PRDM5: variants seen among roughly 807,000 people sequenced by gnomAD.
PRDM5 encodes the protein PR/SET domain 5.
PRDM5 carries 56 observed loss-of-function variants against 81.2 expected under a neutral mutation model. The observed-to-expected ratio is 0.69, with a 90% CI of 0.56 to 0.86. The LOEUF is 0.86. Among genes scored for constraint, PRDM5 ranks in the 40% least tolerant of loss-of-function variants. The pLI is 0.00. For synonymous variants in PRDM5, 267 were observed against 256.4 expected (o/e 1.04, Z -0.39); for missense variants, 697 against 770.1 (o/e 0.91, Z 1.12).
chr4:120,848,120 T>C (rs1295283099), intron 3 of PRDM5, among the ~76,000 whole-genome samples: 2 of 152,162 alleles, frequency 1.3e-5, no homozygotes, highest in East Asian at 3.8e-4. Flanking sequence ...CAAGAATAGA[T>C]GTTGCCTAGG....
At chr4:120,885,134 C>CAGAAAAAAAAA (rs1763277087) in intron 2 of PRDM5, among the ~76,000 whole-genome samples, 1 of 50,708 alleles carries the variant, frequency 2.0e-5, no homozygotes, top group African/African-American at 6.8e-5. Context: ...GACTCCGTAT[C>CAGAAAAAAAAA]AAAAAAAAAA....
chr4:120,704,804 T>C (rs1735876645), intron 15 of PRDM5, among the ~76,000 whole-genome samples: 1 of 152,130 alleles, frequency 6.6e-6, no homozygotes, highest in Admixed American at 6.5e-5. Flanking sequence ...CATCGCGGTT[T>C]ATCATGTCCT....
At chr4:120,762,471 G>C (rs929119642) in intron 13 of PRDM5, 1 of 152,024 alleles carries the variant, frequency 6.6e-6, no homozygotes, top group Non-Finnish European at 1.5e-5. Context: ...TGAATATCAG[G>C]GGACTGGCTT....
chr4:120,890,592 A>G (rs1451749316), intron 2 of PRDM5, among the ~76,000 whole-genome samples: 2 of 152,228 alleles, frequency 1.3e-5, no homozygotes, highest in Non-Finnish European at 2.9e-5. Context: ...CCAGCAGTGT[A>G]TAAGAATTCC....
chr4:120,687,482 A>G (rs537893512), downstream of PRDM5, among the ~76,000 whole-genome samples: 1 of 152,210 alleles, frequency 6.6e-6, no homozygotes, highest in East Asian at 1.9e-4. Flanking sequence ...AATGCTAAAT[A>G]TTATTCCATT....
intron 12 of PRDM5, among the ~76,000 whole-genome samples, chr4:120,779,275 A>G (rs1300203713): frequency 6.6e-6 from 1 of 152,176 alleles, no homozygotes; most frequent in Non-Finnish European, 1.5e-5. Flanking sequence ...TACCTTAAAT[A>G]TGAACAAGAA....
chr4:120,712,143 G>T (rs1737088162), intron 14 of PRDM5, among the ~76,000 whole-genome samples: 2 of 151,892 alleles, frequency 1.3e-5, no homozygotes, highest in Non-Finnish European at 2.9e-5. Context: ...AAAGTTAGCT[G>T]GGCATGGTGG....
chr4:120,890,168 C>G (rs1579131691), intron 2 of PRDM5, among the ~76,000 whole-genome samples: 1 of 152,286 alleles, frequency 6.6e-6, no homozygotes, highest in Middle Eastern at 3.4e-3. Context: ...CTGGCATCTG[C>G]TTAGCTTCTG....
intron 1 of PRDM5, among the ~76,000 whole-genome samples, chr4:120,918,536 TTTTC>T (rs145712595): frequency 1.3e-5 from 2 of 152,324 alleles, no homozygotes; most frequent in East Asian, 1.9e-4. Flanking sequence ...GTTTCAGCTT[TTTTC>T]TTTCTTTGAT....
intron 15 of PRDM5, among the ~76,000 whole-genome samples, chr4:120,700,685 A>G (rs533344973): frequency 1.3e-5 from 2 of 152,322 alleles, no homozygotes; most frequent in African/African-American, 4.8e-5. Flanking sequence ...TTTATATATT[A>G]TTGCAAGAGA....
chr4:120,805,304 C>G (rs997340827), intron 8 of PRDM5, among the ~76,000 whole-genome samples: 2 of 152,212 alleles, frequency 1.3e-5, no homozygotes, highest in Non-Finnish European at 2.9e-5. Flanking sequence ...TCTTCTGAAA[C>G]TATTCCAATC....
chr4:120,851,813 A>C (rs1331673827), intron 3 of PRDM5, among the ~76,000 whole-genome samples: 1 of 152,218 alleles, frequency 6.6e-6, no homozygotes, highest in Admixed American at 6.6e-5. Context: ...TAATGTCAAC[A>C]AATTGTCAAA....
Position 120,697,963 on chromosome 4 carries a change from TAA to T in PRDM5, c.1729-2690_1729-2689del, listed in dbSNP as rs5861482. Among the ~76,000 whole-genome samples, 15 of 117,782 alleles carry T rather than the reference TAA, an allele frequency of 1.3e-4. No individual in the cohort carries two copies. In the East Asian group the frequency reaches 1.7e-3, roughly 13 times the overall value. 77.3% of individuals were successfully genotyped at this position (117,782 alleles called of 152,430 possible). A position where few individuals can be genotyped will look rare whatever the true frequency, so the allele number is the denominator to read the frequency against. The stretch of plus-strand genomic sequence containing the variant: ...TAATAAGTATACAAATAAAATAAAA[TAA>T]AAAAAAAGAAAATGTCAATAGATTA... On this transcript the variant is annotated intron_variant, in intron 15 of 15. Coordinates refer to ENST00000264808, the MANE Select transcript of PRDM5 (RefSeq NM_018699.4).
Position 120,692,153 on chromosome 4 carries a change from T to A in PRDM5, c.*2958A>T, listed in dbSNP as rs1438145204. 1 of 152,102 alleles carries A rather than the reference T, an allele frequency of 6.6e-6. No homozygotes were observed. The highest frequency in any genetic ancestry group is 1.5e-5 in the Non-Finnish European group (1 of 67,992). The allele number at this position is 152,102 out of a possible 1,614,324, so 9.4% of individuals were successfully genotyped here. Reference sequence around the variant, plus strand: ...TTTGTGAAGGAAAAAAATGAATATTTCTAGTACTTATCCTCTTTCCTTTCA... The same window carrying A: ...TTTGTGAAGGAAAAAAATGAATATTACTAGTACTTATCCTCTTTCCTTTCA... On this transcript the variant is annotated 3_prime_UTR_variant, in exon 16 of 16. Coordinates refer to ENST00000264808, the MANE Select transcript of PRDM5 (RefSeq NM_018699.4).
intron 3 of PRDM5, among the ~76,000 whole-genome samples, chr4:120,850,257 C>T (rs1305554374): frequency 1.3e-5 from 2 of 152,114 alleles, no homozygotes; most frequent in Non-Finnish European, 2.9e-5. Context: ...ATACCCCAAA[C>T]TTCAGATGCA....
intron 11 of PRDM5, among the ~76,000 whole-genome samples, chr4:120,781,565 T>C (rs1270401085): frequency 6.6e-6 from 1 of 152,182 alleles, no homozygotes; most frequent in Non-Finnish European, 1.5e-5. Flanking sequence ...AAAGTTACCA[T>C]GAACATTTTT....
rs149559268 is a variant in PRDM5, at chr4:120,734,421, TACACACACACAC to T, written c.1623+20120_1623+20131del. Among the ~76,000 whole-genome samples the T allele has an allele frequency of 2.2e-5, 3 of 138,190 alleles. No individual in the cohort carries two copies. The South Asian group carries it at 7.0e-4, about 32-fold the overall frequency. 90.7% of individuals were successfully genotyped at this position (138,190 alleles called of 152,430 possible). ...ACACACACACACACACACACACAAA[TACACACACACAC>T]ACACACACACACACCCTTACTCACT... On this transcript the variant is annotated intron_variant, in intron 14 of 15. Transcript: ENST00000264808.
At chr4:120,734,995 CTG>C (rs1450236729) in intron 14 of PRDM5, among the ~76,000 whole-genome samples, 1 of 152,178 alleles carries the variant, frequency 6.6e-6, no homozygotes, top group African/African-American at 2.4e-5. Flanking sequence ...GAAGCTGACT[CTG>C]TAACAGTTAG....
chr4:120,823,782 G>A (rs918472779), intron 3 of PRDM5, among the ~76,000 whole-genome samples: 1 of 152,334 alleles, frequency 6.6e-6, no homozygotes. Context: ...AGTTGCTATA[G>A]TTTGGGTGTT....
Sources: allele counts gnomAD v4.1 joint callset (sites outside exome capture counted in the v4.1 genomes callset), GRCh38; gene constraint gnomAD v4.1.1; transcripts MANE v1.5; gene names NCBI Gene and HGNC (gene_info 2026-07-23, HGNC 2026-07-21).